GALM: variants seen among roughly 807,000 people sequenced by gnomAD.
GALM encodes aldose 1-epimerase.
Under a neutral mutation model 37.4 loss-of-function variants are expected in GALM, and 43 were observed. That is an observed-to-expected ratio of 1.15 (90% confidence interval 0.90 to 1.48). GALM has a LOEUF of 1.48. Ranked by LOEUF, GALM falls within the 40% of genes most tolerant of loss-of-function variation. The pLI is 0.00. For missense variants in GALM, 456 were observed against 419.1 expected (o/e 1.09, Z -0.77); for synonymous variants, 199 against 170.6 (o/e 1.17, Z -1.30).
At chr2:38,673,244 G>GC (rs988548101) in intron 1 of GALM, among the ~76,000 whole-genome samples, 2 of 152,262 alleles carry the variant, frequency 1.3e-5, no homozygotes, top group Middle Eastern at 6.8e-3. Flanking sequence ...TAGTTCATAT[G>GC]CTTGAATTGC....
intron 4 of GALM, among the ~76,000 whole-genome samples, chr2:38,692,634 C>T (rs1665704381): frequency 6.6e-6 from 1 of 152,162 alleles, no homozygotes; most frequent in Non-Finnish European, 1.5e-5. Context: ...TTTGATCACT[C>T]AGAAGTGCTG....
chr2:38,731,926 G>C lies in GALM; in HGVS notation c.951+17G>C, dbSNP rs750905462. Reference sequence around the variant, plus strand: ...GTCAATCAGGTAATGCCACAGGCTGGCTTTTCAGAGTAGAGTTGTGTCCAA... The same window carrying C: ...GTCAATCAGGTAATGCCACAGGCTGCCTTTTCAGAGTAGAGTTGTGTCCAA... On this transcript the variant is annotated intron_variant, in intron 6 of 6. Transcript: ENST00000272252. The C allele has an allele frequency of 1.9e-6, 3 of 1,609,868 alleles. No individual in the cohort carries two copies. The East Asian group carries it at 6.7e-5, about 36-fold the overall frequency.
intron 1 of GALM, chr2:38,668,689 G>A (rs148254798): frequency 3.4e-4 from 51 of 152,070 alleles, no homozygotes; most frequent in African/African-American, 1.1e-3. Flanking sequence ...GTAATCCTAG[G>A]AGTCCAAAGT....
chr2:38,717,195 A>G (rs1342706967), intron 4 of GALM, among the ~76,000 whole-genome samples: 2 of 151,790 alleles, frequency 1.3e-5, no homozygotes, highest in Non-Finnish European at 1.5e-5. Flanking sequence ...GGTTGCAGTG[A>G]GCCAAGATCA....
intron 4 of GALM, among the ~76,000 whole-genome samples, chr2:38,725,780 T>C (rs1666473987): frequency 6.6e-6 from 1 of 152,104 alleles, no homozygotes; most frequent in Non-Finnish European, 1.5e-5. Context: ...GGTGAAATCT[T>C]GGCTCACCAC....
chr2:38,690,299 C>T, intron 4 of GALM, among the ~76,000 whole-genome samples: 1 of 151,358 alleles, frequency 6.6e-6, no homozygotes, highest in Non-Finnish European at 1.5e-5. Context: ...TGGTGAGACC[C>T]CGTCTTATTT....
intron 6 of GALM, among the ~76,000 whole-genome samples, chr2:38,732,143 G>A (rs527727628): frequency 5.9e-5 from 9 of 152,164 alleles, no homozygotes; most frequent in South Asian, 2.1e-4. Flanking sequence ...TGCAACCTCC[G>A]CCTCCTGGGT....
chr2:38,668,805 T>TA (rs1665019048), intron 1 of GALM: 3 of 150,508 alleles, frequency 2.0e-5, no homozygotes, highest in African/African-American at 7.5e-5. Flanking sequence ...AAATTTAAAT[T>TA]TAAAAAAAAT....
intron 1 of GALM, among the ~76,000 whole-genome samples, chr2:38,674,828 C>T (rs987941798): frequency 6.6e-6 from 1 of 152,150 alleles, no homozygotes; most frequent in Non-Finnish European, 1.5e-5. Context: ...TTCAGTTACT[C>T]AGAGTCAACT....
At chr2:38,680,649 G>GA (rs1558579687) in intron 2 of GALM, among the ~76,000 whole-genome samples, 1 of 151,684 alleles carries the variant, frequency 6.6e-6, no homozygotes, top group Admixed American at 6.6e-5. Flanking sequence ...ATTTATTAAA[G>GA]TTTTTTTTAA....
rs1470799947 is a variant in GALM at position 38,681,354 on chromosome 2, C to A, written c.420C>A (p.Tyr140Ter). The A allele has an allele frequency of 1.9e-6, 3 of 1,613,984 alleles. No individual in the cohort carries two copies. The highest frequency in any genetic ancestry group is 2.5e-6 in the Non-Finnish European group (3 of 1,180,006). ...SRISPDGEEG[Y>*]PGELKVWVTY... ...TCAGTCCAGATGGTGAAGAAGGCTA[C>A]CCCGGAGAGTTAAAAGTCTGGGTGA... The change falls in exon 3 of 7, where the codon TAC becomes TAA. Residue 140 changes from tyrosine to a stop codon, truncating the protein, a stop_gained. Transcript: ENST00000272252. LOFTEE classifies it high-confidence loss of function.
chr2:38,681,762 T>G (rs1461908849), intron 3 of GALM, among the ~76,000 whole-genome samples: 4 of 152,264 alleles, frequency 2.6e-5, no homozygotes, highest in African/African-American at 9.6e-5. Context: ...AGAATCTAAT[T>G]GTAACATGTG....
At chr2:38,666,766 C>T (rs1242973095) in intron 1 of GALM, among the ~76,000 whole-genome samples, 1 of 152,194 alleles carries the variant, frequency 6.6e-6, no homozygotes, top group Admixed American at 6.5e-5. Flanking sequence ...AAATACTTGC[C>T]TCTTCTACTT....
rs984705436 is a variant in GALM at position 38,692,210 on chromosome 2, G to A, written c.634+2316G>A. Among the ~76,000 whole-genome samples, 7 of 152,204 alleles carry A rather than the reference G, an allele frequency of 4.6e-5. No homozygotes were observed. The East Asian group carries it at 5.8e-4, about 13-fold the overall frequency. ...GACCTACATGTTATACCTGTTTGCC[G>A]AGTGACACTTAAGCAGAAATTGTAG... is the stretch of plus-strand genomic sequence containing the variant. On this transcript the variant is annotated intron_variant, in intron 4 of 6. Coordinates refer to ENST00000272252, the MANE Select transcript of GALM (RefSeq NM_138801.3).
At chr2:38,670,371 G>C (rs1285858380) in intron 1 of GALM, among the ~76,000 whole-genome samples, 1 of 152,166 alleles carries the variant, frequency 6.6e-6, no homozygotes, top group East Asian at 1.9e-4. Flanking sequence ...AATAGAAAAA[G>C]TAAATTTAGT....
chr2:38,671,900 G>A (rs1458969602), intron 1 of GALM, among the ~76,000 whole-genome samples: 1 of 151,954 alleles, frequency 6.6e-6, no homozygotes, highest in East Asian at 1.9e-4. Context: ...GCTGAGGTGG[G>A]GACCTGAGCC....
chr2:38,681,612 C>A, intron 3 of GALM, 126 bp downstream of exon 3: 2 of 748,954 alleles, frequency 2.7e-6, no homozygotes, highest in Non-Finnish European at 2.3e-6. Context: ...ATGAAAAGGG[C>A]CCAGCAGAGG....
intron 4 of GALM, among the ~76,000 whole-genome samples, chr2:38,711,569 TATC>T (rs1666161394): frequency 1.3e-5 from 2 of 151,906 alleles, no homozygotes; most frequent in South Asian, 4.2e-4. Flanking sequence ...AGTCAGTTAT[TATC>T]ATAATAATTA....
intron 4 of GALM, among the ~76,000 whole-genome samples, chr2:38,727,549 A>C (rs1666509814): frequency 6.6e-6 from 1 of 151,962 alleles, no homozygotes; most frequent in Non-Finnish European, 1.5e-5. Context: ...CAATATGGTG[A>C]AACCCCGTCT....
Sources: allele counts gnomAD v4.1 joint callset (sites outside exome capture counted in the v4.1 genomes callset), GRCh38; gene constraint gnomAD v4.1.1; transcripts MANE v1.5; gene names NCBI Gene and HGNC (gene_info 2026-07-23, HGNC 2026-07-21).